The following PPP2R1A variants were observed in gnomAD, a reference collection of about 807,000 sequenced individuals.
The protein encoded by PPP2R1A is protein phosphatase 2 scaffold subunit Aalpha.
Under a neutral mutation model 67.1 loss-of-function variants are expected in PPP2R1A, and 15 were observed. The observed-to-expected ratio is 0.22, with a 90% confidence interval of 0.15 to 0.34. The LOEUF (loss-of-function observed/expected upper bound fraction) is 0.34. Ranked by LOEUF, PPP2R1A falls within the 10% of genes least tolerant of loss-of-function variation. The pLI is 1.00. For synonymous variants in PPP2R1A, 337 were observed against 325.0 expected (o/e 1.04, Z -0.40); for missense variants, 369 against 775.0 (o/e 0.48, Z 6.22).
intron 7 of PPP2R1A, 51 bp downstream of exon 7, chr19:52,215,944 T>C: frequency 6.2e-7 from 1 of 1,610,568 alleles, no homozygotes; most frequent in Non-Finnish European, 8.5e-7. Flanking sequence ...TCCAAGGGGC[T>C]GGAGGTGGAA....
Position 52,216,515 on chromosome 19 carries a change from C to G in PPP2R1A, c.994-14C>G, listed in dbSNP as rs761860948. On this transcript the variant is annotated splice_polypyrimidine_tract_variant and intron_variant, in intron 8 of 14. Transcript: ENST00000322088. The surrounding 1 kb of genome is among the most constrained non-coding windows in gnomAD (Gnocchi z 4.3). ...GTTGCACTGACCCCTGTGCCTGCCTCTTCTCTCTCCCAGGAGCTGGTGTCC... is the reference window on the plus strand; with the variant it reads ...GTTGCACTGACCCCTGTGCCTGCCTGTTCTCTCTCCCAGGAGCTGGTGTCC... 1 of 1,614,146 alleles carries G rather than the reference C, an allele frequency of 6.2e-7. No individual in the cohort carries two copies. Among genetic ancestry groups the G allele is most frequent in the African/African-American group, 1.3e-5 (1 of 75,040 alleles).
At chr19:52,221,959 C>G in intron 12 of PPP2R1A, 140 bp from the exon 13 acceptor site, 2 of 760,242 alleles carry the variant, frequency 2.6e-6, no homozygotes, top group South Asian at 3.9e-5. Flanking sequence ...TTGGGAGATT[C>G]ACTCCACTAA....
intron 13 of PPP2R1A, 67 bp from the exon 14 acceptor site, chr19:52,225,650 G>C: frequency 6.9e-7 from 1 of 1,453,986 alleles, no homozygotes; most frequent in Non-Finnish European, 9.7e-7. Flanking sequence ...CAAGAGCCCT[G>C]TGCCCACCTG....
At chr19:52,203,174 A>C (rs916159804) in intron 2 of PPP2R1A, among the ~76,000 whole-genome samples, 1 of 152,170 alleles carries the variant, frequency 6.6e-6, no homozygotes, top group African/African-American at 2.4e-5. Context: ...CACACTGGAC[A>C]GATGGGGTAT....
In PPP2R1A at chr19:52,192,734, A is replaced by G. The variant is rs138906120; in HGVS notation, c.78+2560A>G. ...TGTAGGGAGATGTCTTTGTGCCAGG[A>G]TCAGAGCTAGGCAGCTTACCGGTTT... On this transcript the variant is annotated intron_variant, in intron 1 of 14. Coordinates refer to ENST00000322088, the MANE Select transcript of PPP2R1A (RefSeq NM_014225.6). Among the ~76,000 whole-genome samples the G allele has an allele frequency of 6.6e-4, 101 of 152,208 alleles. 1 individual carries two copies. In the East Asian group the frequency reaches 0.011, roughly 16 times the overall value.
rs915576804 is a variant in PPP2R1A at position 52,194,088 on chromosome 19, C to CAAAAAAAAAAAAAAAAA, written c.78+3922_78+3938dup. Among the ~76,000 whole-genome samples the CAAAAAAAAAAAAAAAAA allele has an allele frequency of 1.4e-3, 84 of 60,496 alleles. 1 individual carries two copies. Among genetic ancestry groups the CAAAAAAAAAAAAAAAAA allele is most frequent in the Middle Eastern group, 0.011 (1 of 88 alleles). 39.7% of individuals were successfully genotyped at this position (60,496 alleles called of 152,430 possible). On this transcript the variant is annotated intron_variant, in intron 1 of 14. Coordinates refer to ENST00000322088, the MANE Select transcript of PPP2R1A (RefSeq NM_014225.6). ...CTGGGCGACAGCAAGACCCTGTCTC[C>CAAAAAAAAAAAAAAAAA]AAAAAAAAAAAAAAAAAAAAAAAAG...
Position 52,212,926 on chromosome 19 carries a change from C to A in PPP2R1A, c.652-29C>A, listed in dbSNP as rs776123971. The stretch of plus-strand genomic sequence containing the variant: ...CCAGAGCTCAGCAAGGCCTCTGCTG[C>A]CCTCCCACTGTTCCTCTCCTCTCCC... On this transcript the variant is annotated intron_variant, in intron 5 of 14. Transcript: ENST00000322088. This position sits in a 1 kb window ranked among gnomAD's most constrained non-coding sequence, Gnocchi z 4.1. 1 of 1,572,242 alleles carries A rather than the reference C, an allele frequency of 6.4e-7. No homozygotes were observed. The highest frequency in any genetic ancestry group is 1.2e-5 in the South Asian group (1 of 84,166).
chr19:52,204,666 G>A (rs991936790), intron 2 of PPP2R1A, among the ~76,000 whole-genome samples: 4 of 151,676 alleles, frequency 2.6e-5, no homozygotes, highest in Non-Finnish European at 5.9e-5. Context: ...AAAGAAAACA[G>A]GGAGGGTGGT....
At chr19:52,220,373 A>G in intron 11 of PPP2R1A, 124 bp downstream of exon 11, 2 of 1,024,086 alleles carry the variant, frequency 2.0e-6, no homozygotes, top group Non-Finnish European at 3.0e-6. Flanking sequence ...GGATGCTCGT[A>G]TGGACCAGCT....
In PPP2R1A at chr19:52,216,706, A is replaced by C. The variant is rs781140246; in HGVS notation, c.1128+43A>C. 2.1e-5 allele frequency: 34 copies of C among 1,613,768 alleles called. No individual in the cohort carries two copies. In the Admixed American group the frequency reaches 5.7e-4, roughly 27 times the overall value. On this transcript the variant is annotated intron_variant, in intron 9 of 14. Transcript: ENST00000322088. The surrounding 1 kb of genome is among the most constrained non-coding windows in gnomAD (Gnocchi z 4.3). ...TCAGCTCTGGGTTTGTGGAGGGGAC[A>C]GGCGGGTCTTCCTAGATTGCTAGGG... is the stretch of plus-strand genomic sequence containing the variant.
chr19:52,222,568 A>G (rs748187664), intron 13 of PPP2R1A, among the ~76,000 whole-genome samples: 3 of 152,256 alleles, frequency 2.0e-5, no homozygotes, highest in African/African-American at 4.8e-5. Context: ...AATAAATTCA[A>G]TGAAAGATGT....
intron 13 of PPP2R1A, among the ~76,000 whole-genome samples, chr19:52,225,260 G>A (rs1284463920): frequency 6.6e-6 from 1 of 151,994 alleles, no homozygotes; most frequent in Non-Finnish European, 1.5e-5. Context: ...AACCTCAGAT[G>A]ATCCACCCAC....
At chr19:52,207,567 A>C (rs566208523) in intron 3 of PPP2R1A, among the ~76,000 whole-genome samples, 258 of 152,302 alleles carry the variant, frequency 1.7e-3, no homozygotes, top group Non-Finnish European at 3.1e-3. Context: ...CCTGACGTTC[A>C]TGTCAGCCAG....
intron 1 of PPP2R1A, 90 bp downstream of exon 1, chr19:52,190,264 G>C (rs532715693): frequency 4.2e-5 from 61 of 1,450,406 alleles, no homozygotes; most frequent in East Asian, 1.0e-4. Flanking sequence ...CGTTCGCTGG[G>C]AGTGGCGGAA....
At position 52,227,452 on chromosome 19, in the gene PPP2R1A, A is replaced by G. The variant is rs761321318; in HGVS notation, c.*1471A>G. On this transcript the variant is annotated 3_prime_UTR_variant, in exon 15 of 15. Transcript: ENST00000322088. Reference sequence around the variant, plus strand: ...CAAGTGCCTGTTCGTTTAGGGTTTCATCACTTGAAGGTGACCGGAATTCTA... The same window carrying G: ...CAAGTGCCTGTTCGTTTAGGGTTTCGTCACTTGAAGGTGACCGGAATTCTA... 6.6e-6 allele frequency: 1 copy of G among 152,246 alleles called. No individual in the cohort carries two copies. The highest frequency in any genetic ancestry group is 1.5e-5 in the Non-Finnish European group (1 of 68,082). The allele number at this position is 152,246 out of a possible 1,614,324, so 9.4% of individuals were successfully genotyped here.
At chr19:52,195,254 G>A (rs1039300827) in intron 1 of PPP2R1A, among the ~76,000 whole-genome samples, 2 of 152,072 alleles carry the variant, frequency 1.3e-5, no homozygotes, top group African/African-American at 2.4e-5. Flanking sequence ...GAGGCCTGCT[G>A]GGACACAGAG....
intron 12 of PPP2R1A, among the ~76,000 whole-genome samples, 177 bp downstream of exon 12, chr19:52,221,310 G>C (rs1262417022): frequency 6.6e-6 from 1 of 152,178 alleles, no homozygotes; most frequent in African/African-American, 2.4e-5. Context: ...GGGCTCCCAG[G>C]GTCAGGGTCA....
At chr19:52,223,234 G>A (rs906358697) in intron 13 of PPP2R1A, among the ~76,000 whole-genome samples, 2 of 152,162 alleles carry the variant, frequency 1.3e-5, no homozygotes, top group South Asian at 2.1e-4. Flanking sequence ...AAGAAGGCTC[G>A]CCTCAATGCA....
At chr19:52,224,997 G>A (rs992228320) in intron 13 of PPP2R1A, among the ~76,000 whole-genome samples, 5 of 150,972 alleles carry the variant, frequency 3.3e-5, no homozygotes, top group African/African-American at 7.3e-5. Flanking sequence ...CCCCGTGCTC[G>A]GCCTTGAGTT....
Sources: allele counts gnomAD v4.1 joint callset (sites outside exome capture counted in the v4.1 genomes callset), GRCh38; gene constraint gnomAD v4.1.1; non-coding constraint Gnocchi (gnomAD v3.1); transcripts MANE v1.5; gene names NCBI Gene and HGNC (gene_info 2026-07-23, HGNC 2026-07-21).